Variants in LMBRD1 observed in about 807,000 individuals in gnomAD.
LMBRD1 encodes the protein LMBR1 domain containing 1, also known as lysosomal cobalamin transport escort protein LMBD1.
LMBRD1 carries 64 observed loss-of-function variants against 74.8 expected under a neutral mutation model. That is an observed-to-expected ratio of 0.86 (90% confidence interval 0.70 to 1.05). The LOEUF is 1.05. Among genes scored for constraint, LMBRD1 ranks in the 50% least tolerant of loss-of-function variants. The pLI, the probability that LMBRD1 is intolerant of heterozygous loss-of-function variation, is 0.00. For missense variants in LMBRD1, 652 were observed against 645.9 expected (o/e 1.01, Z -0.10); for synonymous variants, 204 against 216.3 (o/e 0.94, Z 0.50).
rs1765498063 is a variant in LMBRD1, at chr6:69,674,084, T to C, written c.*2074A>G. 6.6e-6 allele frequency among the ~76,000 whole-genome samples: 1 copy of C among 152,202 alleles called. No individual in the cohort carries two copies. ...CTCAAGATTAAAGGGTTGACAACAC[T>C]GGATTCTCCTGAGGCCTCTCCTGTT... On this transcript the variant is annotated 3_prime_UTR_variant, in exon 16 of 16. Coordinates refer to ENST00000649934, the MANE Select transcript of LMBRD1 (RefSeq NM_018368.4).
At chr6:69,773,670 T>G (rs897076445) in intron 3 of LMBRD1, among the ~76,000 whole-genome samples, 3 of 152,090 alleles carry the variant, frequency 2.0e-5, no homozygotes, top group African/African-American at 4.8e-5. Context: ...CAAAAAAAAA[T>G]TTTATTAAAC....
rs1310584180 is a variant in LMBRD1 at position 69,790,386 on chromosome 6, A to C, written c.156T>G (p.Phe52Leu). ...ATGTGATAAGTGCAATTGCTAGAGA[A>C]AAAATTGCTGTTATGGTGGAGACAA... ...SEVVSTITAI[F>L]SLAIALITSA... is the part of the protein sequence containing the mutation. Residue 52 changes from phenylalanine (F) to leucine (L), a missense_variant, in exon 2 of 16, where the codon TTT (phenylalanine) becomes TTG (leucine). Physicochemically the swap from Phe to Leu is conservative, Grantham distance 22 (BLOSUM62 0). This residue lies in a region of LMBRD1 where 598 missense variants were observed against 581.8 expected (regional missense o/e 1.03). Coordinates refer to ENST00000649934, the MANE Select transcript of LMBRD1 (RefSeq NM_018368.4). The C allele has an allele frequency of 2.5e-6, 4 of 1,613,884 alleles. No homozygotes were observed. The African/African-American group carries it at 5.3e-5, about 22-fold the overall frequency.
At chr6:69,742,519 A>T (rs1231398253) in intron 5 of LMBRD1, among the ~76,000 whole-genome samples, 2 of 152,160 alleles carry the variant, frequency 1.3e-5, no homozygotes, top group African/African-American at 4.8e-5. Flanking sequence ...CGATAGAATA[A>T]ATAAATGTGC....
At chr6:69,756,222 G>C (rs963546610) in intron 3 of LMBRD1, among the ~76,000 whole-genome samples, 1 of 151,998 alleles carries the variant, frequency 6.6e-6, no homozygotes, top group African/African-American at 2.4e-5. Context: ...AACTAGCCAG[G>C]CATGGTGGCA....
chr6:69,784,184 G>A (rs1366254134), intron 2 of LMBRD1, among the ~76,000 whole-genome samples: 1 of 152,174 alleles, frequency 6.6e-6, no homozygotes, highest in Non-Finnish European at 1.5e-5. Context: ...GCCTCTCGAA[G>A]TAGAAACTAA....
intron 3 of LMBRD1, among the ~76,000 whole-genome samples, chr6:69,764,227 G>C (rs899363135): frequency 6.6e-5 from 10 of 152,124 alleles, no homozygotes; most frequent in African/African-American, 2.4e-4. Flanking sequence ...CCTTTGGGAG[G>C]TAATTAGGTT....
intron 1 of LMBRD1, among the ~76,000 whole-genome samples, chr6:69,794,150 G>A (rs1766157856): frequency 6.6e-6 from 1 of 152,176 alleles, no homozygotes. Flanking sequence ...ATACTAAGAT[G>A]CTATTTGCCT....
intron 8 of LMBRD1, 25 bp from the exon 9 acceptor site, chr6:69,713,822 A>G: frequency 6.2e-7 from 1 of 1,612,784 alleles, no homozygotes; most frequent in East Asian, 2.2e-5. Flanking sequence ...ACAAAATAAA[A>G]GTTTTACCAT....
intron 13 of LMBRD1, 83 bp from the exon 14 acceptor site, chr6:69,697,724 A>G (rs759299096): frequency 2.7e-6 from 2 of 753,288 alleles, no homozygotes; most frequent in Non-Finnish European, 4.6e-6. Flanking sequence ...TATGAACTGT[A>G]TACTCTGTAT....
intron 7 of LMBRD1, among the ~76,000 whole-genome samples, chr6:69,730,240 G>A (rs969948506): frequency 1.3e-5 from 2 of 151,918 alleles, no homozygotes; most frequent in African/African-American, 2.4e-5. Context: ...AGAAGGGCAC[G>A]TTTTCTTTAC....
At chr6:69,710,679 C>T (rs1041633960) in intron 9 of LMBRD1, among the ~76,000 whole-genome samples, 11 of 152,200 alleles carry the variant, frequency 7.2e-5, no homozygotes, top group African/African-American at 2.6e-4. Flanking sequence ...GAGATTTAAA[C>T]ACACATTTTA....
chr6:69,785,981 T>A (rs1248288961), intron 2 of LMBRD1, among the ~76,000 whole-genome samples: 2 of 152,200 alleles, frequency 1.3e-5, no homozygotes, highest in African/African-American at 2.4e-5. Context: ...GCAAGAAACC[T>A]CAGCAGTTTT....
intron 7 of LMBRD1, among the ~76,000 whole-genome samples, chr6:69,721,739 G>A (rs1330540475): frequency 6.6e-6 from 1 of 152,194 alleles, no homozygotes; most frequent in Non-Finnish European, 1.5e-5. Context: ...GTAAGGCAGA[G>A]CAACAAGCAG....
At position 69,771,606 on chromosome 6, in the gene LMBRD1, G is replaced by A. The variant is rs75266360; in HGVS notation, c.307+8888C>T. ...CCATCATGAGAGTTTGCCTAGCACA[G>A]CAAAATAGTAGATGAGAACAAAGAA... is the stretch of plus-strand genomic sequence containing the variant. On this transcript the variant is annotated intron_variant, in intron 3 of 15. Coordinates refer to ENST00000649934, the MANE Select transcript of LMBRD1 (RefSeq NM_018368.4). Among the ~76,000 whole-genome samples, 531 of 152,266 alleles carry A rather than the reference G, an allele frequency of 3.5e-3. 1 individual carries two copies. The highest frequency in any genetic ancestry group is 0.012 in the African/African-American group (513 of 41,564).
intron 1 of LMBRD1, chr6:69,790,706 C>T (rs749237179): frequency 3.9e-6 from 2 of 510,266 alleles, no homozygotes; most frequent in Non-Finnish European, 7.1e-6. Flanking sequence ...AATAACAGTG[C>T]TCAGCTACAT....
intron 3 of LMBRD1, among the ~76,000 whole-genome samples, chr6:69,765,608 C>A (rs1399654195): frequency 6.6e-6 from 1 of 152,142 alleles, no homozygotes; most frequent in Non-Finnish European, 1.5e-5. Context: ...TTGACTTCCA[C>A]GTAAATTTTA....
intron 9 of LMBRD1, among the ~76,000 whole-genome samples, chr6:69,712,936 C>T (rs1241878521): frequency 6.6e-6 from 1 of 152,006 alleles, no homozygotes; most frequent in East Asian, 1.9e-4. Context: ...ATGCCCATTA[C>T]CCAGAATGTG....
chr6:69,702,002 T>G (rs965157074), intron 9 of LMBRD1, 49 bp from the exon 10 acceptor site: 2 of 1,134,142 alleles, frequency 1.8e-6, no homozygotes, highest in Non-Finnish European at 2.7e-6. Flanking sequence ...AAGTTGATAT[T>G]AAAAGCACAA....
intron 14 of LMBRD1, among the ~76,000 whole-genome samples, chr6:69,689,581 T>C (rs1765834794): frequency 1.3e-5 from 2 of 152,130 alleles, no homozygotes; most frequent in Non-Finnish European, 1.5e-5. Flanking sequence ...TCAGTCTTGA[T>C]AAATAAGCTA....
Sources: allele counts gnomAD v4.1 joint callset (sites outside exome capture counted in the v4.1 genomes callset), GRCh38; gene constraint gnomAD v4.1.1; regional missense constraint gnomAD v4.1.1; transcripts MANE v1.5; gene names NCBI Gene and HGNC (gene_info 2026-07-23, HGNC 2026-07-21).